The following NSD2 variants were observed in gnomAD, a reference collection of about 807,000 sequenced individuals.
NSD2 encodes nuclear receptor binding SET domain protein 2, also known as histone-lysine N-methyltransferase NSD2.
Under a neutral mutation model 139.0 loss-of-function variants are expected in NSD2, and 12 were observed. The ratio of observed to expected loss-of-function variants is 0.09; its 90% CI spans 0.06 to 0.14. The LOEUF (loss-of-function observed/expected upper bound fraction) is 0.14. Ranked by LOEUF, NSD2 falls within the 10% of genes least tolerant of loss-of-function variation. NSD2 has a pLI of 1.00. For missense variants in NSD2, 1,155 were observed against 1,745.0 expected (o/e 0.66, Z 6.02); for synonymous variants, 669 against 648.7 (o/e 1.03, Z -0.48).
intron 4 of NSD2, 67 bp from the exon 5 acceptor site, chr4:1,918,074 C>G: frequency 6.5e-7 from 1 of 1,540,442 alleles, no homozygotes; most frequent in South Asian, 1.3e-5. Flanking sequence ...AATCATGTGC[C>G]TAGGAAAAGT....
At chr4:1,901,805 C>T (rs1360850952) in intron 2 of NSD2, among the ~76,000 whole-genome samples, 3 of 152,226 alleles carry the variant, frequency 2.0e-5, no homozygotes, top group South Asian at 2.1e-4. Context: ...TCCCTGAGGC[C>T]TAGGGATGTG....
chr4:1,953,555 G>T (rs753219330), intron 12 of NSD2, 31 bp downstream of exon 12: 2 of 1,573,414 alleles, frequency 1.3e-6, no homozygotes, highest in South Asian at 2.3e-5. Flanking sequence ...CCTTGCTGTG[G>T]GTTCAGATGC....
rs1161442762 is a variant in NSD2 at position 1,918,266 on chromosome 4, C to A, written c.1053C>A (p.Asp351Glu). ...AGTTCACCTTTCTCTATGTGGGGGA[C>A]CAGCTTCATCTCAACCCTCAAGTAG... ...KAKFTFLYVG[D>E]QLHLNPQVAK... Residue 351 changes from aspartate (D) to glutamate (E), a missense_variant, in exon 5 of 22, where the codon GAC becomes GAA. By Grantham distance (45) the Asp-to-Glu change is conservative. Around this residue, in one of 8 missense-constraint regions of NSD2, gnomAD observed 420 missense variants for 469.0 expected, o/e 0.90. Coordinates refer to ENST00000508803, the MANE Select transcript of NSD2 (RefSeq NM_001042424.3). 4 of 1,613,706 alleles carry A rather than the reference C, an allele frequency of 2.5e-6. No individual in the cohort carries two copies. In the African/African-American group the frequency reaches 5.3e-5, roughly 22 times the overall value.
chr4:1,940,429 C>T (rs1424110480), intron 9 of NSD2: 1 of 1,063,398 alleles, frequency 9.4e-7, no homozygotes, highest in Non-Finnish European at 1.1e-6. Context: ...TGTAACATGA[C>T]ACTTAGACTT....
At chr4:1,935,118 A>G (rs777532117) in intron 6 of NSD2, 26 bp from the exon 7 acceptor site, 4 of 1,587,710 alleles carry the variant, frequency 2.5e-6, no homozygotes, top group Non-Finnish European at 3.4e-6. Flanking sequence ...GTTTTCATGT[A>G]CATTTTCCCC....
At chr4:1,879,250 G>A (rs999614033) in intron 1 of NSD2, among the ~76,000 whole-genome samples, 2 of 151,658 alleles carry the variant, frequency 1.3e-5, no homozygotes, top group Non-Finnish European at 2.9e-5. Context: ...ACGGAGTCTC[G>A]CTCTGTCACC....
intron 1 of NSD2, among the ~76,000 whole-genome samples, chr4:1,898,341 C>T (rs1190195170): frequency 1.3e-5 from 2 of 152,164 alleles, no homozygotes; most frequent in Non-Finnish European, 2.9e-5. Flanking sequence ...CCTGCCTCGG[C>T]CTCCCAAAGC....
chr4:1,932,293 G>A (rs1252210356), intron 6 of NSD2, among the ~76,000 whole-genome samples: 1 of 151,412 alleles, frequency 6.6e-6, no homozygotes, highest in Non-Finnish European at 1.5e-5. Flanking sequence ...AAAAAAATTA[G>A]CCAGGCCTGG....
At chr4:1,938,418 T>TTTTTTTTTTTTTTTTTTTTTTTTTA in intron 7 of NSD2, 33 bp from the exon 8 acceptor site, 1 of 449,654 alleles carries the variant, frequency 2.2e-6, no homozygotes, top group Non-Finnish European at 3.2e-6. Flanking sequence ...TTTTCTTTCT[T>TTTTTTTTTTTTTTTTTTTTTTTTTA]TTTTTTTTTT....
intron 2 of NSD2, among the ~76,000 whole-genome samples, chr4:1,901,577 G>A (rs1267300744): frequency 3.9e-5 from 6 of 152,218 alleles, no homozygotes; most frequent in Admixed American, 3.3e-4. Flanking sequence ...GCTTGACAAC[G>A]TCAGGCTACA....
At chr4:1,917,540 G>A (rs1171896203) in intron 4 of NSD2, among the ~76,000 whole-genome samples, 2 of 152,040 alleles carry the variant, frequency 1.3e-5, no homozygotes, top group African/African-American at 2.4e-5. Flanking sequence ...GGGTTCAAGC[G>A]ATTCTCCTGC....
intron 21 of NSD2, among the ~76,000 whole-genome samples, chr4:1,977,096 TG>T (rs1179171272): frequency 1.3e-5 from 2 of 152,034 alleles, no homozygotes; most frequent in South Asian, 4.1e-4. Context: ...TGCACTACAG[TG>T]GGAATGGAGG....
rs760499309 is a variant in NSD2, at chr4:1,918,376, A to G, written c.1163A>G (p.Lys388Arg). The G allele has an allele frequency of 8.7e-6, 14 of 1,614,022 alleles. No homozygotes were observed. Among genetic ancestry groups the G allele is most frequent in the Non-Finnish European group, 1.2e-5 (14 of 1,180,038 alleles). The stretch of plus-strand genomic sequence containing the variant: ...AGTGAAGAAGCTGCTGAAAACCCCA[A>G]GTCTGTGAGAGAAGAGTGCATTCCC... ...GVSEEAAENPKSVREECIPMK... is the reference protein window; with the variant it reads ...GVSEEAAENPRSVREECIPMK... Residue 388 changes from lysine (K) to arginine (R), a missense_variant, in exon 5 of 22, where the codon AAG becomes AGG. Around this residue, in one of 8 missense-constraint regions of NSD2, gnomAD observed 420 missense variants for 469.0 expected, o/e 0.90. Transcript: ENST00000508803.
intron 9 of NSD2, chr4:1,944,757 A>G (rs1723446701): frequency 2.8e-6 from 3 of 1,064,570 alleles, no homozygotes; most frequent in East Asian, 5.1e-5. Flanking sequence ...ATCTGCTTCT[A>G]AAATTGCCCC....
In NSD2 at chr4:1,956,226, T is replaced by C. The variant is rs1724788851; in HGVS notation, c.2881+38T>C. ...TCAGATAGAGAGTGAGACAGCACTCTCGTGCATTTTCTTACCCCTAATTTC... is the reference window on the plus strand; with the variant it reads ...TCAGATAGAGAGTGAGACAGCACTCCCGTGCATTTTCTTACCCCTAATTTC... On this transcript the variant is annotated intron_variant, in intron 15 of 21. Transcript: ENST00000508803. The surrounding 1 kb of genome is among the most constrained non-coding windows in gnomAD (Gnocchi z 5.3). 6.6e-7 allele frequency: 1 copy of C among 1,515,022 alleles called. No individual in the cohort carries two copies. Among genetic ancestry groups the C allele is most frequent in the Non-Finnish European group, 8.9e-7 (1 of 1,126,672 alleles). The allele number at this position is 1,515,022 out of a possible 1,614,324, so 93.8% of individuals were successfully genotyped here.
intron 1 of NSD2, among the ~76,000 whole-genome samples, chr4:1,879,062 T>C (rs1478530535): frequency 6.6e-6 from 1 of 152,158 alleles, no homozygotes; most frequent in African/African-American, 2.4e-5. Flanking sequence ...TGATCTCACC[T>C]ACCTGCCTAA....
At chr4:1,934,493 CAAAAAT>C (rs1459682678) in intron 6 of NSD2, among the ~76,000 whole-genome samples, 1 of 149,910 alleles carries the variant, frequency 6.7e-6, no homozygotes, top group East Asian at 2.0e-4. Context: ...AACTCCATCT[CAAAAAT>C]AAATAAATAG....
At chr4:1,905,743 G>A (rs1226984400) in intron 3 of NSD2, among the ~76,000 whole-genome samples, 2 of 152,230 alleles carry the variant, frequency 1.3e-5, no homozygotes, top group Non-Finnish European at 2.9e-5. Flanking sequence ...GTGCTCTGCA[G>A]GAGTTGTGGC....
In NSD2 at chr4:1,942,895, A is replaced by G; in HGVS notation, c.1881+3117A>G. Reference sequence around the variant, plus strand: ...ATTGTAGATACTACACTAATTTCCAACATAAGAGGCAGGAAGAGTTTTGAT... The same window carrying G: ...ATTGTAGATACTACACTAATTTCCAGCATAAGAGGCAGGAAGAGTTTTGAT... On this transcript the variant is annotated intron_variant, in intron 9 of 21. Coordinates refer to ENST00000508803, the MANE Select transcript of NSD2 (RefSeq NM_001042424.3). The surrounding 1 kb of genome is among the most constrained non-coding windows in gnomAD (Gnocchi z 4.0). The G allele has an allele frequency of 9.4e-7, 1 of 1,059,298 alleles. No individual in the cohort carries two copies. Among genetic ancestry groups the G allele is most frequent in the East Asian group, 5.2e-5 (1 of 19,204 alleles). The allele number at this position is 1,059,298 out of a possible 1,614,324, so 65.6% of individuals were successfully genotyped here. A position where few individuals can be genotyped will look rare whatever the true frequency, so the allele number is the denominator to read the frequency against.
Sources: allele counts gnomAD v4.1 joint callset (sites outside exome capture counted in the v4.1 genomes callset), GRCh38; gene constraint gnomAD v4.1.1; regional missense constraint gnomAD v4.1.1; non-coding constraint Gnocchi (gnomAD v3.1); transcripts MANE v1.5; gene names NCBI Gene and HGNC (gene_info 2026-07-23, HGNC 2026-07-21).